Variants in KLF12 observed in about 807,000 individuals in gnomAD.
KLF12 encodes KLF transcription factor 12.
In KLF12, 9 loss-of-function variants were observed where a neutral mutation model predicts 37.8. That is an observed-to-expected ratio of 0.24 (90% CI 0.14 to 0.42). The LOEUF (loss-of-function observed/expected upper bound fraction) is 0.42, where lower values mean the gene tolerates loss of function less well. KLF12 is among the 10% of genes least tolerant of loss of function. The probability of loss-of-function intolerance (pLI) is 1.00; values close to 1 mark genes in which losing one functional copy is unlikely to be tolerated. For missense variants in KLF12, 411 were observed against 516.0 expected, an observed-to-expected ratio of 0.80 and a Z score of 1.97; for synonymous variants, 208 against 202.1, an observed-to-expected ratio of 1.03 and a Z score of -0.25.
rs975808310 is a variant in KLF12 at position 73,690,851 on chromosome 13, T to G, written c.*4639A>C. 6.5e-6 allele frequency: 1 copy of G among 152,764 alleles called. No individual in the cohort carries two copies. Among genetic ancestry groups the G allele is most frequent in the East Asian group, 1.9e-4 (1 of 5,188 alleles). 9.5% of individuals were successfully genotyped at this position (152,764 alleles called of 1,614,324 possible). ...CATATGTTACGAATACAGTAAAATA[T>G]CTTCACTCTATTTTTTAAAGATGCA... On this transcript the variant is annotated 3_prime_UTR_variant, in exon 8 of 8. Coordinates refer to ENST00000377669, the MANE Select transcript of KLF12 (RefSeq NM_007249.5).
intron 1 of KLF12, among the ~76,000 whole-genome samples, chr13:73,998,876 T>C (rs1217005359): frequency 6.6e-6 from 1 of 152,250 alleles, no homozygotes; most frequent in African/African-American, 2.4e-5. Context: ...TTCATAGCTA[T>C]TTTGACTAAA....
chr13:74,146,907 C>A, the KLF12 span, among the ~76,000 whole-genome samples: 1 of 152,234 alleles, frequency 6.6e-6, no homozygotes, highest in South Asian at 2.1e-4. Flanking sequence ...TGACTTCACA[C>A]AAGTCCTCTT....
chr13:73,976,831 A>T (rs1891537847), intron 2 of KLF12, among the ~76,000 whole-genome samples: 1 of 152,162 alleles, frequency 6.6e-6, no homozygotes, highest in Non-Finnish European at 1.5e-5. Context: ...AAATGAGTAC[A>T]CCTACTTAGC....
At chr13:73,772,549 A>G (rs1880338039) in intron 5 of KLF12, among the ~76,000 whole-genome samples, 1 of 152,224 alleles carries the variant, frequency 6.6e-6, no homozygotes, top group African/African-American at 2.4e-5. Context: ...GGAGATATGA[A>G]AAAGCACCAA....
intron 1 of KLF12, among the ~76,000 whole-genome samples, chr13:74,007,852 T>C (rs2138347627): frequency 6.6e-6 from 1 of 150,662 alleles, no homozygotes; most frequent in African/African-American, 2.4e-5. Flanking sequence ...AATGAAATGC[T>C]ATAAAACAAT....
intron 1 of KLF12, among the ~76,000 whole-genome samples, chr13:74,052,515 G>C (rs1430607552): frequency 6.6e-6 from 1 of 152,030 alleles, no homozygotes; most frequent in African/African-American, 2.4e-5. Flanking sequence ...TTAAAGCTGA[G>C]AATCAAGTTA....
chr13:73,869,881 C>A (rs1308754164), intron 3 of KLF12, among the ~76,000 whole-genome samples: 1 of 152,166 alleles, frequency 6.6e-6, no homozygotes. Context: ...AGTTCTGTGG[C>A]CCTGGCTAAC....
the KLF12 span, among the ~76,000 whole-genome samples, chr13:74,234,610 G>A: frequency 2.5e-4 from 38 of 152,244 alleles, no homozygotes; most frequent in African/African-American, 8.4e-4. Flanking sequence ...AATAAGAAAG[G>A]TATTGGAGCA....
intron 1 of KLF12, among the ~76,000 whole-genome samples, chr13:74,125,363 T>C (rs1425935672): frequency 6.6e-6 from 1 of 152,092 alleles, no homozygotes; most frequent in Non-Finnish European, 1.5e-5. Flanking sequence ...TTATCACAAA[T>C]TACCTTACAT....
At chr13:74,153,009 A>C in the KLF12 span, among the ~76,000 whole-genome samples, 1 of 151,856 alleles carries the variant, frequency 6.6e-6, no homozygotes, top group African/African-American at 2.4e-5. Flanking sequence ...AGGTATAATA[A>C]TTTCATACTA....
chr13:74,236,776 A>G, the KLF12 span, among the ~76,000 whole-genome samples: 1 of 120,416 alleles, frequency 8.3e-6, no homozygotes, highest in Non-Finnish European at 1.6e-5. Context: ...TCCTTCGCCC[A>G]CTTTTTGATG....
chr13:74,028,830 G>T (rs1012534024), intron 1 of KLF12, among the ~76,000 whole-genome samples: 6 of 32,532 alleles, frequency 1.8e-4, no homozygotes, highest in East Asian at 9.8e-4. Context: ...AAAAGAGAAA[G>T]AATTTTCAAT....
chr13:74,245,467 T>A, the KLF12 span, among the ~76,000 whole-genome samples: 2 of 152,100 alleles, frequency 1.3e-5, no homozygotes, highest in East Asian at 3.9e-4. Flanking sequence ...GAGACAGGTT[T>A]TAAAACAAAG....
chr13:73,798,524 C>A (rs114503675), intron 5 of KLF12, among the ~76,000 whole-genome samples: 1 of 152,006 alleles, frequency 6.6e-6, no homozygotes, highest in South Asian at 2.1e-4. Flanking sequence ...ATACATCTGA[C>A]GAAAGTCTAA....
chr13:74,247,724 G>T, the KLF12 span, among the ~76,000 whole-genome samples: 1 of 152,066 alleles, frequency 6.6e-6, no homozygotes, highest in Non-Finnish European at 1.5e-5. Context: ...CTCCCACCTT[G>T]ACCTCCCAAA....
chr13:74,127,534 C>G (rs1175068919), intron 1 of KLF12, among the ~76,000 whole-genome samples: 3 of 152,170 alleles, frequency 2.0e-5, no homozygotes, highest in African/African-American at 7.2e-5. Context: ...ATAATTGTAA[C>G]ATGAATTGGA....
intron 3 of KLF12, among the ~76,000 whole-genome samples, chr13:73,926,165 C>G (rs919857223): frequency 6.6e-6 from 1 of 152,194 alleles, no homozygotes; most frequent in Non-Finnish European, 1.5e-5. Flanking sequence ...GGGTAAAACA[C>G]TATCGAATAG....
At chr13:74,041,644 A>C (rs532189112) in intron 1 of KLF12, among the ~76,000 whole-genome samples, 4 of 151,256 alleles carry the variant, frequency 2.6e-5, no homozygotes, top group Middle Eastern at 3.4e-3. Flanking sequence ...ATGAAAGAGA[A>C]ATTAAAAATC....
At chr13:73,994,390 T>C (rs1162000919) in intron 2 of KLF12, among the ~76,000 whole-genome samples, 3 of 152,204 alleles carry the variant, frequency 2.0e-5, no homozygotes, top group East Asian at 1.9e-4. Flanking sequence ...TTGTAACCAG[T>C]AGAAACTACA....
Sources: gnomAD v4.1 joint callset for allele counts (sites outside exome capture counted in the v4.1 genomes callset) on GRCh38, gnomAD v4.1.1 for gene constraint, MANE v1.5 for transcripts, NCBI Gene and HGNC (gene_info 2026-07-23, HGNC 2026-07-21) for gene names.